IPO5: variants seen among roughly 807,000 people sequenced by gnomAD.
IPO5 encodes importin 5.
A neutral mutation model predicts 143.3 loss-of-function variants in IPO5; 18 were observed. That is an observed-to-expected ratio of 0.13 (90% CI 0.09 to 0.19). The LOEUF (loss-of-function observed/expected upper bound fraction) is 0.19, where lower values mean the gene tolerates loss of function less well. Among genes scored for constraint, IPO5 ranks in the 10% least tolerant of loss-of-function variants. The probability of loss-of-function intolerance (pLI) is 1.00; values close to 1 mark genes in which losing one functional copy is unlikely to be tolerated. For missense variants in IPO5, 1,013 were observed against 1,336.9 expected, an observed-to-expected ratio of 0.76 and a Z score of 3.78; for synonymous variants, 477 against 465.7, an observed-to-expected ratio of 1.02 and a Z score of -0.31.
intron 3 of IPO5, 128 bp downstream of exon 3, chr13:97,969,958 C>T (rs768126800): frequency 1.5e-6 from 1 of 689,524 alleles, no homozygotes; most frequent in Non-Finnish European, 2.5e-6. Context: ...CTCAGCCTCC[C>T]AAAGTGCTGG....
At chr13:98,003,586 A>G (rs1340037527) in intron 16 of IPO5, among the ~76,000 whole-genome samples, 3 of 152,286 alleles carry the variant, frequency 2.0e-5, no homozygotes, top group African/African-American at 7.2e-5. Flanking sequence ...ACGGTGGCTC[A>G]TCCCCGTAAT....
intron 4 of IPO5, chr13:97,979,955 A>G (rs1317982589): frequency 4.4e-6 from 2 of 456,678 alleles, no homozygotes; most frequent in Non-Finnish European, 8.8e-6. Context: ...TAGGCTCACT[A>G]TAAATATTTA....
chr13:98,010,204 T>G lies in IPO5; in HGVS notation c.2035T>G (p.Ser679Ala). ...GIKTAGLEEK[S>A]TACQMLVCYA... is the part of the protein sequence containing the mutation. ...TAAAACTGCAGGACTAGAAGAAAAATCAACTGCTTGCCAGATGTTGGTAAG... is the reference window on the plus strand; with the variant it reads ...TAAAACTGCAGGACTAGAAGAAAAAGCAACTGCTTGCCAGATGTTGGTAAG... The change falls in exon 20 of 29, where the codon TCA (serine) becomes GCA (alanine). Residue 679 changes from serine to alanine, a missense_variant. This residue lies in a region of IPO5 where 685 missense variants were observed against 994.9 expected (regional missense o/e 0.69). Coordinates refer to ENST00000651721, the MANE Select transcript of IPO5 (RefSeq NM_002271.6). 5.0e-6 allele frequency: 8 copies of G among 1,613,926 alleles called. No individual in the cohort carries two copies. The highest frequency in any genetic ancestry group is 6.8e-6 in the Non-Finnish European group (8 of 1,179,934).
intron 2 of IPO5, among the ~76,000 whole-genome samples, chr13:97,966,494 T>C (rs1024684857): frequency 4.6e-5 from 7 of 152,184 alleles, no homozygotes; most frequent in Non-Finnish European, 1.0e-4. Context: ...TGGTAGATAA[T>C]CCTCTCTATA....
intron 12 of IPO5, among the ~76,000 whole-genome samples, chr13:97,999,488 C>G (rs1594096347): frequency 6.6e-6 from 1 of 152,096 alleles, no homozygotes; most frequent in Non-Finnish European, 1.5e-5. Flanking sequence ...GTTTTCTAAA[C>G]TAGATGAATA....
intron 3 of IPO5, chr13:97,975,880 T>C: frequency 4.1e-6 from 4 of 984,620 alleles, no homozygotes; most frequent in Non-Finnish European, 4.8e-6. Flanking sequence ...GTAACCCCTC[T>C]TCCGGGCAAG....
intron 16 of IPO5, 59 bp downstream of exon 16, chr13:98,003,096 T>A: frequency 7.5e-7 from 1 of 1,338,356 alleles, no homozygotes; most frequent in Non-Finnish European, 1.0e-6. Flanking sequence ...GTTGATTTGA[T>A]GGGTAAGAAC....
At chr13:97,965,563 C>T (rs562827505) in intron 2 of IPO5, among the ~76,000 whole-genome samples, 71 of 152,210 alleles carry the variant, frequency 4.7e-4, no homozygotes, top group African/African-American at 1.7e-3. Context: ...CATACAAGTT[C>T]TACAGTTCTG....
chr13:97,976,188 C>T (rs1236323208), intron 3 of IPO5, among the ~76,000 whole-genome samples: 1 of 151,734 alleles, frequency 6.6e-6, no homozygotes, highest in Non-Finnish European at 1.5e-5. Context: ...CCCTCCTCCC[C>T]GGCCAGGCCT....
rs1381934011 is a variant in IPO5 at position 98,021,746 on chromosome 13, G to T, written c.3218G>T (p.Gly1073Val). Residue 1073 changes from glycine (G) to valine (V), a missense_variant, in exon 29 of 29, where the codon GGA (glycine) becomes GTA (valine). Physicochemically the swap from Gly to Val is moderately radical, Grantham distance 109. Transcript: ENST00000651721. ...NVVRQVQTSG[G>V]LWTECIAQLS... The stretch of plus-strand genomic sequence containing the variant: ...TGTTTCTTTCCCTAGACTTCTGGAG[G>T]ACTGTGGACTGAGTGCATAGCACAG... The T allele has an allele frequency of 6.5e-7, 1 of 1,549,806 alleles. No homozygotes were observed. The highest frequency in any genetic ancestry group is 1.4e-5 in the African/African-American group (1 of 73,940).
chr13:98,017,807 TG>T (rs1405606710), intron 25 of IPO5, among the ~76,000 whole-genome samples: 4 of 152,008 alleles, frequency 2.6e-5, no homozygotes, highest in African/African-American at 4.8e-5. Context: ...TTGTTTGTTT[TG>T]TTTTTTTGTA....
chr13:98,022,042 A>C lies in IPO5; in HGVS notation c.*220A>C, dbSNP rs1169259246. On this transcript the variant is annotated 3_prime_UTR_variant, in exon 29 of 29. Coordinates refer to ENST00000651721, the MANE Select transcript of IPO5 (RefSeq NM_002271.6). ...AAGGAGTTCCTGGAAGCCCTGCGGT[A>C]GCTAGCACTGAAGACTATTTTTCTA... is the stretch of plus-strand genomic sequence containing the variant. 2.5e-6 allele frequency: 1 copy of C among 395,226 alleles called. No homozygotes were observed. The highest frequency in any genetic ancestry group is 2.0e-5 in the African/African-American group (1 of 50,386). 24.5% of individuals were successfully genotyped at this position (395,226 alleles called of 1,614,324 possible).
chr13:97,989,270 A>G, intron 7 of IPO5, 106 bp downstream of exon 7: 1 of 577,818 alleles, frequency 1.7e-6, no homozygotes. Context: ...TAAAATGATA[A>G]TAATGCCTTT....
At chr13:98,017,752 C>T (rs1349030963) in intron 25 of IPO5, among the ~76,000 whole-genome samples, 1 of 152,140 alleles carries the variant, frequency 6.6e-6, no homozygotes, top group Non-Finnish European at 1.5e-5. Context: ...CTGTTATGGA[C>T]CTACATCAAC....
Position 98,015,542 on chromosome 13 carries a change from A to C in IPO5, c.2338A>C (p.Met780Leu). 1 of 1,600,102 alleles carries C rather than the reference A, an allele frequency of 6.2e-7. No homozygotes were observed. The highest frequency in any genetic ancestry group is 8.6e-7 in the Non-Finnish European group (1 of 1,168,400). Residue 780 changes from methionine (M) to leucine (L), a missense_variant, in exon 23 of 29, where the codon ATG becomes CTG. By Grantham distance (15) the Met-to-Leu change is conservative (BLOSUM62 2). Around this residue, in one of 2 missense-constraint regions of IPO5, gnomAD observed 685 missense variants for 994.9 expected, o/e 0.69. Coordinates refer to ENST00000651721, the MANE Select transcript of IPO5 (RefSeq NM_002271.6). ...TCAACCTCATTAGTGCATTGAAGTA[A>C]TGGGAGATGGATGCCTTAATAATGA... ...MHSFAKCIEVMGDGCLNNEHF... is the reference protein window; with the variant it reads ...MHSFAKCIEVLGDGCLNNEHF...
chr13:98,013,486 A>G (rs1304006408), intron 21 of IPO5, among the ~76,000 whole-genome samples: 1 of 152,194 alleles, frequency 6.6e-6, no homozygotes, highest in Admixed American at 6.5e-5. Context: ...GGTATCCTAT[A>G]GTGGTATCCT....
intron 24 of IPO5, 144 bp from the exon 25 acceptor site, chr13:98,016,585 G>A (rs979500915): frequency 4.5e-6 from 2 of 442,760 alleles, no homozygotes; most frequent in African/African-American, 2.1e-5. Flanking sequence ...GGGTTACTCC[G>A]GTCTCTAGAC....
At chr13:98,010,315 T>C (rs1447527211) in intron 20 of IPO5, 91 bp downstream of exon 20, 1 of 1,163,938 alleles carries the variant, frequency 8.6e-7, no homozygotes, top group Non-Finnish European at 1.2e-6. Flanking sequence ...GAAATTACTT[T>C]GGAGAGCCAG....
In IPO5 at chr13:98,006,279, A is replaced by C. The variant is rs766491746; in HGVS notation, c.1647A>C (p.Glu549Asp). 1 of 1,613,174 alleles carries C rather than the reference A, an allele frequency of 6.2e-7. No homozygotes were observed. Among genetic ancestry groups the C allele is most frequent in the Non-Finnish European group, 8.5e-7 (1 of 1,179,718 alleles). Residue 549 changes from glutamate to aspartate, a missense_variant, in exon 17 of 29, where the codon GAA becomes GAC. Around this residue, in one of 2 missense-constraint regions of IPO5, gnomAD observed 685 missense variants for 994.9 expected, o/e 0.69. Transcript: ENST00000651721. ...KHIVENAVQK[E>D]LRLLRGKTIE... ...TCGTTGAGAATGCGGTTCAAAAAGA[A>C]CTGAGACTTCTGAGAGGAAAAACTA...
Sources: allele counts gnomAD v4.1 joint callset (sites outside exome capture counted in the v4.1 genomes callset), GRCh38; gene constraint gnomAD v4.1.1; regional missense constraint gnomAD v4.1.1; transcripts MANE v1.5; gene names NCBI Gene and HGNC (gene_info 2026-07-23, HGNC 2026-07-21).